The following TANGO6 variants were observed in gnomAD, a reference collection of about 807,000 sequenced individuals.
TANGO6 encodes transport and Golgi organization protein 6 homolog.
TANGO6 carries 90 observed loss-of-function variants against 114.2 expected under a neutral mutation model. The ratio of observed to expected loss-of-function variants is 0.79; its 90% CI spans 0.66 to 0.94. TANGO6 has a LOEUF of 0.94. Ranked by LOEUF, TANGO6 falls within the 40% of genes least tolerant of loss-of-function variation. The pLI is 0.00. For missense variants in TANGO6, 1,274 were observed against 1,315.3 expected, an observed-to-expected ratio of 0.97 and a Z score of 0.49; for synonymous variants, 477 against 509.8, an observed-to-expected ratio of 0.94 and a Z score of 0.87.
chr16:68,934,248 C>T (rs1020397464), intron 14 of TANGO6, among the ~76,000 whole-genome samples: 3 of 152,170 alleles, frequency 2.0e-5, no homozygotes, highest in Non-Finnish European at 1.5e-5. Flanking sequence ...GGGGGTCTCA[C>T]TATGTTGCCC....
chr16:68,911,415 C>CTTTT (rs776375913), intron 11 of TANGO6, among the ~76,000 whole-genome samples: 1 of 133,616 alleles, frequency 7.5e-6, no homozygotes, highest in Non-Finnish European at 1.6e-5. Context: ...TTTATAGTTT[C>CTTTT]TTTTTTTTTT....
In TANGO6 at chr16:69,040,543, A is replaced by G; in HGVS notation, c.3108+122A>G. The stretch of plus-strand genomic sequence containing the variant: ...TCGATGGATTCATCCAAATGAATCC[A>G]TCAACAGGGATTTTGTAGCAGGAAA... On this transcript the variant is annotated intron_variant, in intron 17 of 17. Transcript: ENST00000261778. The G allele has an allele frequency of 5.3e-6, 4 of 757,820 alleles. No homozygotes were observed. In the South Asian group the frequency reaches 7.2e-5, roughly 14 times the overall value. The allele number at this position is 757,820 out of a possible 1,614,324, so 46.9% of individuals were successfully genotyped here.
chr16:68,978,248 T>C (rs1482117374), intron 15 of TANGO6, among the ~76,000 whole-genome samples: 1 of 152,170 alleles, frequency 6.6e-6, no homozygotes, highest in Non-Finnish European at 1.5e-5. Context: ...AAAGTACATA[T>C]TTCAGAGTCC....
In TANGO6 at chr16:68,902,330, C is replaced by T. The variant is rs1962795872; in HGVS notation, c.1493C>T (p.Ser498Leu). The change falls in exon 9 of 18, where the codon TCA becomes TTA. Residue 498 changes from serine (S) to leucine (L), a missense_variant and splice_region_variant. Around this residue, in one of 5 missense-constraint regions of TANGO6, gnomAD observed 908 missense variants for 910.2 expected, o/e 1.00. Transcript: ENST00000261778. ...TTCATAACTGCTTTTTCTGCCAGGT[C>T]ACTTTGCCAAGAAATCTTATTATGG... ...FTKQSVSHIR[S>L]LCQEILLWIL... is the part of the protein sequence containing the mutation. 6.2e-7 allele frequency: 1 copy of T among 1,607,362 alleles called. No homozygotes were observed.
At chr16:68,875,344 A>G in intron 5 of TANGO6, 54 bp downstream of exon 5, 1 of 1,582,774 alleles carries the variant, frequency 6.3e-7, no homozygotes, top group Non-Finnish European at 8.6e-7. Flanking sequence ...TATTTACAGA[A>G]AGAGGACTTT....
chr16:68,868,647 G>A (rs1416143534), intron 4 of TANGO6, among the ~76,000 whole-genome samples: 1 of 151,920 alleles, frequency 6.6e-6, no homozygotes, highest in Non-Finnish European at 1.5e-5. Context: ...AAAGGCGCCT[G>A]CCACCACGCC....
chr16:69,010,144 A>G (rs77099007), intron 15 of TANGO6, among the ~76,000 whole-genome samples: 13 of 152,286 alleles, frequency 8.5e-5, no homozygotes, highest in African/African-American at 3.1e-4. Flanking sequence ...TTGTGCCATC[A>G]TTCATTTGGA....
Position 68,941,947 on chromosome 16 carries a change from C to T in TANGO6, c.2701+11652C>T, listed in dbSNP as rs942704225. Among the ~76,000 whole-genome samples the T allele has an allele frequency of 4.6e-5, 7 of 152,110 alleles. No homozygotes were observed. In the East Asian group the frequency reaches 1.4e-3, roughly 29 times the overall value. The stretch of plus-strand genomic sequence containing the variant: ...AACCTGGGCAACATAGGAAGACCCC[C>T]CATCTCTTAGGGGGAAAAAAAACAG... On this transcript the variant is annotated intron_variant, in intron 14 of 17. Transcript: ENST00000261778.
chr16:68,983,781 C>T (rs1963863962), intron 15 of TANGO6, among the ~76,000 whole-genome samples: 2 of 152,080 alleles, frequency 1.3e-5, no homozygotes, highest in Admixed American at 1.3e-4. Context: ...TGCCTGTAAT[C>T]CCAGCACTTT....
chr16:68,971,444 A>T (rs74527666), intron 14 of TANGO6, among the ~76,000 whole-genome samples: 3,947 of 151,666 alleles, frequency 0.026, 62 homozygotes, highest in African/African-American at 0.036. Flanking sequence ...TAATTTTTTT[A>T]AAATTATTTT....
chr16:68,878,854 C>T (rs1198347351), intron 6 of TANGO6, among the ~76,000 whole-genome samples: 2 of 151,880 alleles, frequency 1.3e-5, no homozygotes, highest in East Asian at 1.9e-4. Flanking sequence ...GGGCAGATTG[C>T]TTGAGCCCAG....
intron 17 of TANGO6, among the ~76,000 whole-genome samples, chr16:69,065,502 G>A (rs922065505): frequency 3.9e-5 from 6 of 152,046 alleles, no homozygotes; most frequent in African/African-American, 9.7e-5. Flanking sequence ...CATGATACCC[G>A]CCTCATCTCC....
intron 17 of TANGO6, among the ~76,000 whole-genome samples, chr16:69,060,595 TA>T (rs913094985): frequency 9.1e-4 from 122 of 134,710 alleles, no homozygotes; most frequent in African/African-American, 1.0e-3. Context: ...CTCTGTCTCT[TA>T]AAAAAAAAAA....
intron 14 of TANGO6, among the ~76,000 whole-genome samples, chr16:68,969,084 A>G (rs79786877): frequency 0.035 from 5,258 of 152,156 alleles, 315 homozygotes; most frequent in African/African-American, 0.12. Context: ...TACCTTCTCT[A>G]TATCTCATCT....
intron 14 of TANGO6, among the ~76,000 whole-genome samples, chr16:68,968,637 T>C (rs987943328): frequency 6.6e-6 from 1 of 151,450 alleles, no homozygotes; most frequent in Non-Finnish European, 1.5e-5. Flanking sequence ...AGTGCTGGGA[T>C]TACAGGCGTG....
chr16:68,843,839 G>C (rs1341315140), intron 1 of TANGO6, 128 bp downstream of exon 1: 3 of 851,806 alleles, frequency 3.5e-6, no homozygotes, highest in Non-Finnish European at 5.6e-6. Flanking sequence ...CCGCTGCTGG[G>C]GGCTTTGAGC....
At chr16:68,930,212 A>T in intron 13 of TANGO6, 26 bp from the exon 14 acceptor site, 1 of 1,546,782 alleles carries the variant, frequency 6.5e-7, no homozygotes, top group Non-Finnish European at 8.8e-7. Context: ...TGTAAATCTT[A>T]TCACTGCTGT....
In TANGO6 at chr16:69,071,801, A is replaced by T. The variant is rs112624910; in HGVS notation, c.3109-11684A>T. Among the ~76,000 whole-genome samples the T allele has an allele frequency of 8.7e-4, 133 of 152,356 alleles. 1 individual carries two copies. Among genetic ancestry groups the T allele is most frequent in the African/African-American group, 3.0e-3 (124 of 41,584 alleles). Reference sequence around the variant, plus strand: ...TCCGCAAATGTTCCAGGTCAAGCTCATTGAAAGAGTCAAACACTGTCTTCC... The same window carrying T: ...TCCGCAAATGTTCCAGGTCAAGCTCTTTGAAAGAGTCAAACACTGTCTTCC... On this transcript the variant is annotated intron_variant, in intron 17 of 17. Coordinates refer to ENST00000261778, the MANE Select transcript of TANGO6 (RefSeq NM_024562.2).
intron 16 of TANGO6, 136 bp downstream of exon 16, chr16:69,023,115 C>T (rs1361732791): frequency 1.2e-5 from 11 of 901,148 alleles, no homozygotes; most frequent in Non-Finnish European, 1.6e-5. Context: ...GCAAGTGAGC[C>T]ATTGAACTTC....
Sources: gnomAD v4.1 joint callset for allele counts (sites outside exome capture counted in the v4.1 genomes callset) on GRCh38, gnomAD v4.1.1 for gene constraint, gnomAD v4.1.1 regional missense constraint, MANE v1.5 for transcripts, NCBI Gene and HGNC (gene_info 2026-07-23, HGNC 2026-07-21) for gene names.